The following GALNT2 variants were observed in gnomAD, a reference collection of about 807,000 sequenced individuals.
The protein encoded by GALNT2 is UDP-GalNAc:polypeptide N-acetylgalactosaminyltransferase 2.
In GALNT2, 31 loss-of-function variants were observed where a neutral mutation model predicts 81.4. The ratio of observed to expected loss-of-function variants is 0.38; its 90% confidence interval spans 0.29 to 0.51. The LOEUF is 0.51. Among genes scored for constraint, GALNT2 ranks in the 20% least tolerant of loss-of-function variants. GALNT2 has a pLI of 0.87. For missense variants in GALNT2, 629 were observed against 765.7 expected, an observed-to-expected ratio of 0.82 and a Z score of 2.11; for synonymous variants, 303 against 287.4, an observed-to-expected ratio of 1.05 and a Z score of -0.55.
intron 1 of GALNT2, among the ~76,000 whole-genome samples, chr1:230,175,273 T>G (rs942850456): frequency 6.6e-6 from 1 of 152,118 alleles, no homozygotes; most frequent in African/African-American, 2.4e-5. Context: ...CTTTGGCTAT[T>G]TAGTTGAGGG....
chr1:230,098,501 CT>C (rs1433827670), intron 1 of GALNT2, among the ~76,000 whole-genome samples: 1 of 151,768 alleles, frequency 6.6e-6, no homozygotes, highest in African/African-American at 2.4e-5. Context: ...AATCCCGTTT[CT>C]TAGAAAGAAA....
chr1:230,124,411 G>T (rs1661112306), intron 1 of GALNT2, among the ~76,000 whole-genome samples: 1 of 152,228 alleles, frequency 6.6e-6, no homozygotes, highest in East Asian at 1.9e-4. Flanking sequence ...AAGCTGGAAT[G>T]TCCCCTTGTC....
chr1:230,170,037 G>A (rs1453322148), intron 1 of GALNT2, among the ~76,000 whole-genome samples: 1 of 152,186 alleles, frequency 6.6e-6, no homozygotes, highest in Non-Finnish European at 1.5e-5. Context: ...ATTGGCCAGG[G>A]CAGGAACAGG....
At position 230,070,650 on chromosome 1, in the gene GALNT2, G is replaced by T. The variant is rs147642266; in HGVS notation, c.126+3244G>T. Among the ~76,000 whole-genome samples, 1 of 152,078 alleles carries T rather than the reference G, an allele frequency of 6.6e-6. No individual in the cohort carries two copies. Among genetic ancestry groups the T allele is most frequent in the African/African-American group, 2.4e-5 (1 of 41,526 alleles). ...GGCACGAGTCCTGTGGCCCTTGCCC[G>T]AGAGTCCAAGGGTGGGGGACTTTGG... On this transcript the variant is annotated intron_variant, in intron 1 of 15. Transcript: ENST00000366672. This position sits in a 1 kb window ranked among gnomAD's most constrained non-coding sequence, Gnocchi z 4.7.
intron 1 of GALNT2, among the ~76,000 whole-genome samples, chr1:230,075,121 C>CTTTTTTTT (rs34482749): frequency 1.5e-4 from 14 of 92,600 alleles, no homozygotes; most frequent in South Asian, 4.3e-4. Flanking sequence ...GTCTGTTTTG[C>CTTTTTTTT]TTTTTTTTTT....
At chr1:230,221,030 A>G (rs1226146520) in intron 3 of GALNT2, among the ~76,000 whole-genome samples, 1 of 152,258 alleles carries the variant, frequency 6.6e-6, no homozygotes, top group African/African-American at 2.4e-5. Context: ...TGTTGCACAC[A>G]GGAAGAAAAG....
intron 1 of GALNT2, among the ~76,000 whole-genome samples, chr1:230,170,265 G>A (rs909702511): frequency 2.0e-5 from 3 of 152,188 alleles, no homozygotes; most frequent in African/African-American, 7.2e-5. Context: ...GAGGGCCCAT[G>A]GCTACTTCTG....
At chr1:230,178,649 C>T (rs866862529) in intron 2 of GALNT2, among the ~76,000 whole-genome samples, 3 of 152,018 alleles carry the variant, frequency 2.0e-5, no homozygotes, top group African/African-American at 7.3e-5. Context: ...GGGGAAGGTA[C>T]AGAGAATTCC....
At chr1:230,066,864 A>G (rs953355077), upstream of GALNT2, among the ~76,000 whole-genome samples, 2 of 140,920 alleles carry the variant, frequency 1.4e-5, no homozygotes, top group Admixed American at 6.9e-5. Context: ...CTCACGGGGG[A>G]GGGGGCGGCC....
chr1:230,180,305 T>TC (rs1279192493), intron 2 of GALNT2, among the ~76,000 whole-genome samples: 5 of 119,550 alleles, frequency 4.2e-5, no homozygotes, highest in African/African-American at 1.4e-4. Flanking sequence ...TCTTTTTTTT[T>TC]TTTTTTTTTT....
At chr1:230,202,500 G>A (rs1405955323) in intron 2 of GALNT2, among the ~76,000 whole-genome samples, 2 of 152,216 alleles carry the variant, frequency 1.3e-5, no homozygotes, top group East Asian at 3.8e-4. Flanking sequence ...CTTCCAGGAA[G>A]AGAACAGGTA....
At chr1:230,119,305 A>T (rs1660941185) in intron 1 of GALNT2, among the ~76,000 whole-genome samples, 1 of 152,096 alleles carries the variant, frequency 6.6e-6, no homozygotes, top group South Asian at 2.1e-4. Flanking sequence ...ACTGTTTTCC[A>T]GCCTGGATTT....
chr1:230,132,268 G>A (rs115784340), intron 1 of GALNT2, among the ~76,000 whole-genome samples: 2 of 152,154 alleles, frequency 1.3e-5, no homozygotes, highest in African/African-American at 2.4e-5. Flanking sequence ...TCACTGCCCC[G>A]AAATAGATAG....
chr1:230,268,374 T>A (rs1368784504), intron 14 of GALNT2: 2 of 152,228 alleles, frequency 1.3e-5, no homozygotes, highest in African/African-American at 4.8e-5. Context: ...TTGGGCCTCT[T>A]GTGATCCCTG....
intron 1 of GALNT2, among the ~76,000 whole-genome samples, chr1:230,074,293 A>G (rs1233021104): frequency 1.3e-5 from 2 of 152,198 alleles, no homozygotes; most frequent in Non-Finnish European, 2.9e-5. Flanking sequence ...GGGTTTCACT[A>G]TGTTGCCCAG....
At chr1:230,231,127 G>A (rs73114068) in intron 3 of GALNT2, among the ~76,000 whole-genome samples, 42,829 of 152,014 alleles carry the variant, frequency 0.28, 6,052 homozygotes, top group African/African-American at 0.32. Flanking sequence ...CTGTCTCATC[G>A]GCTGCCTCTC....
intron 1 of GALNT2, among the ~76,000 whole-genome samples, chr1:230,058,553 A>G (rs1234291826): frequency 1.3e-5 from 2 of 152,234 alleles, no homozygotes; most frequent in Non-Finnish European, 2.9e-5. Flanking sequence ...CAAGGCACTT[A>G]ACAGCACCCT....
intron 1 of GALNT2, among the ~76,000 whole-genome samples, chr1:230,161,587 C>CT (rs780165802): frequency 6.6e-6 from 1 of 152,202 alleles, no homozygotes; most frequent in Non-Finnish European, 1.5e-5. Context: ...ATACTCATGA[C>CT]TTTATTTGGA....
chr1:230,069,837 G>A (rs1278304889), intron 1 of GALNT2, among the ~76,000 whole-genome samples: 2 of 152,056 alleles, frequency 1.3e-5, no homozygotes, highest in East Asian at 3.9e-4. Flanking sequence ...TTTTTCTCTT[G>A]CCTCATACTG....
Sources: allele counts gnomAD v4.1 joint callset (sites outside exome capture counted in the v4.1 genomes callset), GRCh38; gene constraint gnomAD v4.1.1; non-coding constraint Gnocchi (gnomAD v3.1); transcripts MANE v1.5; gene names NCBI Gene and HGNC (gene_info 2026-07-23, HGNC 2026-07-21).